The following TBXAS1 variants were observed in gnomAD, a reference collection of about 807,000 sequenced individuals.
The protein encoded by TBXAS1 is thromboxane A synthase 1, also known as thromboxane-A synthase.
A neutral mutation model predicts 60.7 loss-of-function variants in TBXAS1; 48 were observed. The ratio of observed to expected loss-of-function variants is 0.79; its 90% CI spans 0.63 to 1.01. The LOEUF (loss-of-function observed/expected upper bound fraction) is 1.01, where lower values mean the gene tolerates loss of function less well. Among genes scored for constraint, TBXAS1 ranks in the 50% least tolerant of loss-of-function variants. The probability of loss-of-function intolerance (pLI) is 0.00; values close to 1 mark genes in which losing one functional copy is unlikely to be tolerated. For synonymous variants in TBXAS1, 287 were observed against 269.7 expected, an observed-to-expected ratio of 1.06 and a Z score of -0.63; for missense variants, 685 against 686.3, an observed-to-expected ratio of 1.00 and a Z score of 0.02.
At chr7:139,870,604 T>C (rs1801747605) in intron 1 of TBXAS1, among the ~76,000 whole-genome samples, 2 of 152,214 alleles carry the variant, frequency 1.3e-5, no homozygotes, top group African/African-American at 2.4e-5. Context: ...GTATGACTAA[T>C]CCTTGGCGTT....
chr7:139,934,369 G>C (rs1004885991), intron 4 of TBXAS1, among the ~76,000 whole-genome samples: 1 of 151,940 alleles, frequency 6.6e-6, no homozygotes, highest in Admixed American at 6.6e-5. Flanking sequence ...TTGTATTTTA[G>C]TAGAGACGGA....
At chr7:139,843,363 G>A (rs1184999899) in intron 1 of TBXAS1, among the ~76,000 whole-genome samples, 3 of 146,436 alleles carry the variant, frequency 2.0e-5, no homozygotes, top group Non-Finnish European at 4.6e-5. Context: ...TTTATTTAGA[G>A]ATGGAGTCTC....
intron 4 of TBXAS1, among the ~76,000 whole-genome samples, chr7:139,820,983 C>T (rs1031499966): frequency 1.4e-4 from 22 of 152,206 alleles, no homozygotes; most frequent in Admixed American, 1.3e-3. Flanking sequence ...TTGCCTAGAA[C>T]AGTCTCCCAT....
chr7:139,860,910 A>T (rs1800912779), intron 1 of TBXAS1, among the ~76,000 whole-genome samples: 1 of 152,250 alleles, frequency 6.6e-6, no homozygotes, highest in East Asian at 1.9e-4. Flanking sequence ...GCGGTGGCTC[A>T]TGCCTGTAAT....
rs144800674 is a variant in TBXAS1, at chr7:139,971,970, C to T, written c.1134+9737C>T. On this transcript the variant is annotated intron_variant, in intron 9 of 12. Transcript: ENST00000448866. ...CTGCCCCCTGGGAGCCCCTGGTCAT[C>T]CCAGAAGCCTGTAAGTGCACACAGC... Among the ~76,000 whole-genome samples, 712 of 152,316 alleles carry T rather than the reference C, an allele frequency of 4.7e-3. 6 individuals are homozygous for T. Among genetic ancestry groups the T allele is most frequent in the South Asian group, 0.013 (63 of 4,822 alleles).
chr7:139,985,548 T>A (rs1812386801), intron 9 of TBXAS1, among the ~76,000 whole-genome samples: 1 of 152,250 alleles, frequency 6.6e-6, no homozygotes, highest in African/African-American at 2.4e-5. Flanking sequence ...ATAAGCCCTA[T>A]AAGTATAAAA....
intron 4 of TBXAS1, among the ~76,000 whole-genome samples, chr7:139,926,453 T>C (rs1477834758): frequency 6.6e-6 from 1 of 152,254 alleles, no homozygotes; most frequent in Non-Finnish European, 1.5e-5. Flanking sequence ...TAGCTGCTAA[T>C]GATCCTTTGA....
At chr7:139,869,432 G>A (rs1038939844) in intron 1 of TBXAS1, among the ~76,000 whole-genome samples, 19 of 151,902 alleles carry the variant, frequency 1.3e-4, no homozygotes, top group African/African-American at 4.6e-4. Context: ...CTGTCACCCA[G>A]GCTGGAGTGC....
chr7:139,995,223 T>C (rs1585027576), intron 9 of TBXAS1, among the ~76,000 whole-genome samples: 1 of 152,184 alleles, frequency 6.6e-6, no homozygotes, highest in Non-Finnish European at 1.5e-5. Context: ...AAATTTAACA[T>C]GCAGTTGCTT....
chr7:139,891,745 C>T (rs999668930), intron 3 of TBXAS1, among the ~76,000 whole-genome samples: 1 of 152,124 alleles, frequency 6.6e-6, no homozygotes, highest in Non-Finnish European at 1.5e-5. Context: ...ATATCTGTTG[C>T]GTGAACAGAA....
intron 3 of TBXAS1, among the ~76,000 whole-genome samples, chr7:139,886,320 C>G (rs1803095758): frequency 6.6e-6 from 1 of 151,000 alleles, no homozygotes; most frequent in Non-Finnish European, 1.5e-5. Context: ...TTATAAAGGT[C>G]TGACTCTCTG....
At chr7:139,792,001 G>A (rs990027906) in intron 4 of TBXAS1, among the ~76,000 whole-genome samples, 3 of 152,100 alleles carry the variant, frequency 2.0e-5, no homozygotes, top group African/African-American at 7.2e-5. Flanking sequence ...GTGGAGCAGA[G>A]CTTGTGTGTG....
intron 3 of TBXAS1, among the ~76,000 whole-genome samples, chr7:139,889,629 C>CCAA (rs780681069): frequency 6.6e-5 from 10 of 152,158 alleles, no homozygotes; most frequent in Admixed American, 1.3e-4. Context: ...GATCAAGGAA[C>CCAA]CAACAGATTC....
In TBXAS1 at chr7:139,962,015, T is replaced by C. The variant is rs1359555179; in HGVS notation, c.916T>C (p.Ser306Pro). 5.6e-6 allele frequency: 9 copies of C among 1,614,228 alleles called. No individual in the cohort carries two copies. The highest frequency in any genetic ancestry group is 1.1e-5 in the South Asian group (1 of 91,086). Residue 306 changes from serine to proline, a missense_variant, in exon 9 of 13, where the codon TCT (serine) becomes CCT (proline). Ser to Pro is a moderately conservative substitution (Grantham distance 74, BLOSUM62 -1). Coordinates refer to ENST00000448866, the MANE Select transcript of TBXAS1 (RefSeq NM_001061.7). Reference protein sequence around the residue: ...DFDIVRDVFSSTGCKPNPSRQ... With the variant: ...DFDIVRDVFSPTGCKPNPSRQ... ...TGACATCGTCAGAGACGTTTTCTCCTCTACTGGGTGCAAGCCGAACCCTTC... is the reference window on the plus strand; with the variant it reads ...TGACATCGTCAGAGACGTTTTCTCCCCTACTGGGTGCAAGCCGAACCCTTC...
intron 1 of TBXAS1, among the ~76,000 whole-genome samples, chr7:139,846,377 G>A (rs905897469): frequency 6.6e-6 from 1 of 152,142 alleles, no homozygotes; most frequent in African/African-American, 2.4e-5. Context: ...TAGATGTCAG[G>A]TCTCCGTGTC....
Position 139,854,590 on chromosome 7 carries a change from G to A in TBXAS1, c.90-17645G>A, listed in dbSNP as rs79793066. ...ACTCTATGCCCAAGGGAGAGACGACGACCTGATATAGGGCAGTGCCAGTTA... is the reference window on the plus strand; with the variant it reads ...ACTCTATGCCCAAGGGAGAGACGACAACCTGATATAGGGCAGTGCCAGTTA... On this transcript the variant is annotated intron_variant, in intron 1 of 12. Transcript: ENST00000448866. 7.2e-3 allele frequency among the ~76,000 whole-genome samples: 1,094 copies of A among 152,252 alleles called. 16 individuals carry two copies. The highest frequency in any genetic ancestry group is 0.026 in the African/African-American group (1,066 of 41,546).
Position 139,948,622 on chromosome 7 carries a change from C to T in TBXAS1, c.451-4746C>T, listed in dbSNP as rs149524781. Among the ~76,000 whole-genome samples the T allele has an allele frequency of 2.2e-4, 33 of 152,070 alleles. No individual in the cohort carries two copies. In the East Asian group the frequency reaches 5.6e-3, roughly 26 times the overall value. On this transcript the variant is annotated intron_variant, in intron 5 of 12. Transcript: ENST00000448866. ...CAAAAAATAAAAATTACTCATTATC[C>T]CATGAAGAAGATGAAATGTAACAAC...
intron 5 of TBXAS1, among the ~76,000 whole-genome samples, chr7:139,952,107 G>A (rs1352265255): frequency 6.6e-6 from 1 of 152,184 alleles, no homozygotes; most frequent in Admixed American, 6.5e-5. Context: ...TGAGTGTCGG[G>A]TGCACTGTCA....
At chr7:139,870,136 G>A (rs551508052) in intron 1 of TBXAS1, among the ~76,000 whole-genome samples, 1 of 152,316 alleles carries the variant, frequency 6.6e-6, no homozygotes, top group Non-Finnish European at 1.5e-5. Flanking sequence ...GTTTGTGGTG[G>A]TGTCCAGGAC....
Sources: gnomAD v4.1 joint callset for allele counts (sites outside exome capture counted in the v4.1 genomes callset) on GRCh38, gnomAD v4.1.1 for gene constraint, MANE v1.5 for transcripts, NCBI Gene and HGNC (gene_info 2026-07-23, HGNC 2026-07-21) for gene names.